Variants in SCHIP1 observed in about 807,000 individuals in gnomAD.
The protein encoded by SCHIP1 is schwannomin-interacting protein 1.
A neutral mutation model predicts 29.7 loss-of-function variants in SCHIP1; 8 were observed. The ratio of observed to expected loss-of-function variants is 0.27; its 90% confidence interval spans 0.16 to 0.49. The LOEUF is 0.49. Among genes scored for constraint, SCHIP1 ranks in the 20% least tolerant of loss-of-function variants. The probability of loss-of-function intolerance (pLI) is 0.99; values close to 1 mark genes in which losing one functional copy is unlikely to be tolerated. For missense variants in SCHIP1, 193 were observed against 294.6 expected (o/e 0.66, Z 2.52); for synonymous variants, 76 against 94.9 (o/e 0.80, Z 1.16).
chr3:159,802,968 G>A, the SCHIP1 span, among the ~76,000 whole-genome samples: 1 of 152,128 alleles, frequency 6.6e-6, no homozygotes, highest in Non-Finnish European at 1.5e-5. Flanking sequence ...CTATTGTGTT[G>A]TAATTGACTG....
chr3:159,615,281 C>T, the SCHIP1 span, among the ~76,000 whole-genome samples: 1 of 152,164 alleles, frequency 6.6e-6, no homozygotes, highest in African/African-American at 2.4e-5. Context: ...CTGGAGGCCA[C>T]ACTTAAACAA....
At chr3:159,896,363 G>A (rs1349208156) in intron 6 of SCHIP1, among the ~76,000 whole-genome samples, 2 of 152,142 alleles carry the variant, frequency 1.3e-5, no homozygotes, top group Non-Finnish European at 2.9e-5. Flanking sequence ...AGACCTCACT[G>A]TCTTGCTCAC....
chr3:159,626,832 G>A, the SCHIP1 span, among the ~76,000 whole-genome samples: 2 of 152,138 alleles, frequency 1.3e-5, no homozygotes, highest in African/African-American at 4.8e-5. Context: ...ATTGGCAAGT[G>A]TCCTAGACAA....
the SCHIP1 span, among the ~76,000 whole-genome samples, chr3:159,334,894 CTTCTTCT>C: frequency 6.9e-5 from 9 of 130,556 alleles, no homozygotes; most frequent in African/African-American, 2.4e-4. Flanking sequence ...TCTTCTTCTT[CTTCTTCT>C]TTTTTTTTTT....
chr3:159,736,666 T>C, the SCHIP1 span, among the ~76,000 whole-genome samples: 2 of 151,776 alleles, frequency 1.3e-5, no homozygotes, highest in Non-Finnish European at 2.9e-5. Context: ...TTCAGTCTAC[T>C]GCATGCCTGC....
At chr3:159,721,789 G>A in the SCHIP1 span, 1 of 435,814 alleles carries the variant, frequency 2.3e-6, no homozygotes. Flanking sequence ...TTCTTCCCCA[G>A]CTGGGCTTTG....
the SCHIP1 span, chr3:159,273,450 TG>T: frequency 1.9e-6 from 2 of 1,047,038 alleles, no homozygotes; most frequent in Non-Finnish European, 2.3e-6. Flanking sequence ...TTTGGACTAA[TG>T]GGATCTTCTT....
the SCHIP1 span, among the ~76,000 whole-genome samples, chr3:159,389,226 A>C: frequency 6.6e-6 from 1 of 152,082 alleles, no homozygotes; most frequent in Non-Finnish European, 1.5e-5. Context: ...ACATATATTT[A>C]ATATTTTCTT....
the SCHIP1 span, among the ~76,000 whole-genome samples, chr3:159,359,338 T>C: frequency 7.2e-5 from 11 of 152,272 alleles, no homozygotes; most frequent in Admixed American, 2.0e-4. Context: ...GAAGTGAGGA[T>C]TACTGACCCC....
rs370547057 is a variant in SCHIP1, at chr3:159,886,246, C to T, written c.189C>T (p.Asn63=). The change falls in exon 3 of 7, where the codon AAC becomes AAT. Residue 63 remains asparagine, a synonymous_variant. Transcript: ENST00000445224. ...TGAACTTGCAGATATGCTTTGTCAACGACAGTGGCAGTGATAAGGACAGTG... is the reference window on the plus strand; with the variant it reads ...TGAACTTGCAGATATGCTTTGTCAATGACAGTGGCAGTGATAAGGACAGTG... 4.1e-4 allele frequency: 668 copies of T among 1,614,156 alleles called. 1 individual carries two copies. Among genetic ancestry groups the T allele is most frequent in the Non-Finnish European group, 3.9e-4 (459 of 1,180,000 alleles).
chr3:159,820,587 G>C, the SCHIP1 span, among the ~76,000 whole-genome samples: 2 of 152,210 alleles, frequency 1.3e-5, no homozygotes, highest in African/African-American at 4.8e-5. Flanking sequence ...GGGAAGTAAA[G>C]TAACTGAAAT....
the SCHIP1 span, among the ~76,000 whole-genome samples, chr3:159,747,788 G>C: frequency 6.6e-6 from 1 of 152,324 alleles, no homozygotes; most frequent in Non-Finnish European, 1.5e-5. Context: ...ACTGCCTGAA[G>C]TTGCAGAATA....
the SCHIP1 span, among the ~76,000 whole-genome samples, chr3:159,314,368 C>T: frequency 2.6e-5 from 4 of 152,126 alleles, no homozygotes; most frequent in African/African-American, 9.7e-5. Flanking sequence ...GTCAGAAGAT[C>T]AATACTCCAT....
At chr3:159,809,376 C>A in the SCHIP1 span, among the ~76,000 whole-genome samples, 8,707 of 152,194 alleles carry the variant, frequency 0.057, 338 homozygotes, top group South Asian at 0.19. Flanking sequence ...TTTTCTTAAT[C>A]CAGTCTATCA....
chr3:159,426,699 C>T, the SCHIP1 span, among the ~76,000 whole-genome samples: 2 of 152,162 alleles, frequency 1.3e-5, no homozygotes, highest in Non-Finnish European at 2.9e-5. Flanking sequence ...CCAGCATCAT[C>T]CTGATACCAA....
At chr3:159,618,368 C>A in the SCHIP1 span, among the ~76,000 whole-genome samples, 1 of 152,198 alleles carries the variant, frequency 6.6e-6, no homozygotes, top group Non-Finnish European at 1.5e-5. Context: ...CAAAACTATT[C>A]ATTTAAAAGC....
the SCHIP1 span, among the ~76,000 whole-genome samples, chr3:159,303,042 C>T: frequency 1.3e-5 from 2 of 152,016 alleles, no homozygotes; most frequent in Admixed American, 6.6e-5. Context: ...CAAACTGAGA[C>T]ATAGTAAGGG....
At chr3:159,297,609 T>C in the SCHIP1 span, among the ~76,000 whole-genome samples, 5 of 151,942 alleles carry the variant, frequency 3.3e-5, no homozygotes, top group South Asian at 1.0e-3. Flanking sequence ...AATGTTTTTT[T>C]AAAAAAAAGA....
chr3:159,756,449 C>T, the SCHIP1 span, among the ~76,000 whole-genome samples: 1 of 152,186 alleles, frequency 6.6e-6, no homozygotes, highest in Non-Finnish European at 1.5e-5. Flanking sequence ...GCACAAAGCA[C>T]AGGGACCCTG....
Sources: allele counts gnomAD v4.1 joint callset (sites outside exome capture counted in the v4.1 genomes callset), GRCh38; gene constraint gnomAD v4.1.1; transcripts MANE v1.5; gene names NCBI Gene and HGNC (gene_info 2026-07-23, HGNC 2026-07-21).